The following SLC66A1 variants were observed in gnomAD, a reference collection of about 807,000 sequenced individuals.
SLC66A1 encodes lysosomal amino acid transporter 1 homolog.
A neutral mutation model predicts 33.0 loss-of-function variants in SLC66A1; 23 were observed. The observed-to-expected ratio is 0.70, with a 90% CI of 0.50 to 0.99. SLC66A1 has a LOEUF of 0.99. Among genes scored for constraint, SLC66A1 ranks in the 50% least tolerant of loss-of-function variants. The pLI is 0.00. For synonymous variants in SLC66A1, 164 were observed against 175.5 expected, an observed-to-expected ratio of 0.93 and a Z score of 0.52; for missense variants, 335 against 383.6, an observed-to-expected ratio of 0.87 and a Z score of 1.06.
rs1238227344 is a variant in SLC66A1 at position 19,324,683 on chromosome 1, T to C, written c.215T>C (p.Leu72Pro). 1.2e-6 allele frequency: 2 copies of C among 1,614,112 alleles called. No homozygotes were observed. Among genetic ancestry groups the C allele is most frequent in the Admixed American group, 3.3e-5 (2 of 60,018 alleles). The change falls in exon 3 of 8, where the codon CTG (leucine) becomes CCG (proline). Residue 72 changes from leucine to proline, a missense_variant. Physicochemically the swap from Leu to Pro is moderately conservative, Grantham distance 98. Coordinates refer to ENST00000375153, the MANE Select transcript of SLC66A1 (RefSeq NM_001040125.2). Reference sequence around the variant, plus strand: ...GGCAACATGGACCAGGCGCTGTCCCTGTGGTTCCTCCTGGGCTGGATTGGC... The same window carrying C: ...GGCAACATGGACCAGGCGCTGTCCCCGTGGTTCCTCCTGGGCTGGATTGGC... Reference protein sequence around the residue: ...KTGNMDQALSLWFLLGWIGGD... With the variant: ...KTGNMDQALSPWFLLGWIGGD...
rs543382388 is a variant in SLC66A1, at chr1:19,320,616, C to T, written c.164+2775C>T. On this transcript the variant is annotated intron_variant, in intron 2 of 7. Transcript: ENST00000375153. The stretch of plus-strand genomic sequence containing the variant: ...TTTTTTAGTAGAGACGGGGTTTCAC[C>T]GTGTTAGCCAGGATGGTCTCGATTT... 2.4e-3 allele frequency among the ~76,000 whole-genome samples: 364 copies of T among 151,728 alleles called. 2 individuals carry two copies. The highest frequency in any genetic ancestry group is 7.1e-3 in the African/African-American group (291 of 41,266).
chr1:19,331,985 C>G (rs61766664), downstream of SLC66A1, among the ~76,000 whole-genome samples: 2,802 of 152,322 alleles, frequency 0.018, 90 homozygotes, highest in Admixed American at 0.078. Flanking sequence ...GGCCCCTCCC[C>G]CTGGGGAGTG....
downstream of SLC66A1, among the ~76,000 whole-genome samples, chr1:19,333,251 A>G (rs905599693): frequency 1.3e-5 from 2 of 152,164 alleles, no homozygotes; most frequent in African/African-American, 4.8e-5. The surrounding 1 kb of genome is among the most constrained non-coding windows in gnomAD (Gnocchi z 4.2). Flanking sequence ...TCCGTCACCC[A>G]GGCTGGAGTG....
chr1:19,334,036 A>C (rs1266352005), downstream of SLC66A1, among the ~76,000 whole-genome samples: 1 of 152,240 alleles, frequency 6.6e-6, no homozygotes, highest in Non-Finnish European at 1.5e-5. Flanking sequence ...CTACTCCTCC[A>C]GGCCCCCAGC....
chr1:19,333,817 T>C (rs1420425209), downstream of SLC66A1, among the ~76,000 whole-genome samples: 1 of 152,018 alleles, frequency 6.6e-6, no homozygotes, highest in Non-Finnish European at 1.5e-5. The surrounding 1 kb of genome is among the most constrained non-coding windows in gnomAD (Gnocchi z 4.2). Context: ...GGTGGGAGGA[T>C]TGCTTGGGCC....
At position 19,328,853 on chromosome 1, in the gene SLC66A1, C is replaced by G. The variant is rs1264400273; in HGVS notation, c.*210C>G. On this transcript the variant is annotated 3_prime_UTR_variant, in exon 8 of 8. Transcript: ENST00000375153. This position sits in a 1 kb window ranked among gnomAD's most constrained non-coding sequence, Gnocchi z 4.7. ...CTGGAGCGGAGACCCCAGGGCCTCT[C>G]AGGAGACAGTGAGGCTGCCCCTCCT... The G allele has an allele frequency of 3.3e-6, 2 of 603,442 alleles. No individual in the cohort carries two copies. The highest frequency in any genetic ancestry group is 5.9e-6 in the Non-Finnish European group (2 of 341,850). The allele number at this position is 603,442 out of a possible 1,614,324, so 37.4% of individuals were successfully genotyped here. A position where few individuals can be genotyped will look rare whatever the true frequency, so the allele number is the denominator to read the frequency against.
In SLC66A1 at chr1:19,312,372, G is replaced by T. The variant is rs930411235; in HGVS notation, c.-596G>T. On this transcript the variant is annotated 5_prime_UTR_variant, in exon 1 of 8. Coordinates refer to ENST00000375153, the MANE Select transcript of SLC66A1 (RefSeq NM_001040125.2). ...GATCTGGACGTGGTGAGCCGGACCG[G>T]GGGCAGGTGGCAAACTTCACGGCTG... The T allele has an allele frequency of 3.3e-5, 8 of 243,766 alleles. No individual in the cohort carries two copies. The East Asian group carries it at 7.4e-4, about 23-fold the overall frequency. The allele number at this position is 243,766 out of a possible 1,614,324, so 15.1% of individuals were successfully genotyped here.
rs753114625 is a variant in SLC66A1, at chr1:19,317,637, C to T, written c.-41C>T. 30 of 1,605,772 alleles carry T rather than the reference C, an allele frequency of 1.9e-5. No individual in the cohort carries two copies. The highest frequency in any genetic ancestry group is 6.7e-5 in the African/African-American group (5 of 74,768). ...CCTCAGAACACCAGCGCCCTCCCTC[C>T]GGTGCAGCCCTGCCTGGCCGGGGGC... On this transcript the variant is annotated 5_prime_UTR_variant, in exon 2 of 8. Coordinates refer to ENST00000375153, the MANE Select transcript of SLC66A1 (RefSeq NM_001040125.2).
At position 19,328,856 on chromosome 1, in the gene SLC66A1, G is replaced by A. The variant is rs368988699; in HGVS notation, c.*213G>A. 22 of 600,354 alleles carry A rather than the reference G, an allele frequency of 3.7e-5. 2 individuals are homozygous for A. Among genetic ancestry groups the A allele is most frequent in the South Asian group, 8.0e-5 (4 of 50,250 alleles). The allele number at this position is 600,354 out of a possible 1,614,324, so 37.2% of individuals were successfully genotyped here. ...GAGCGGAGACCCCAGGGCCTCTCAGGAGACAGTGAGGCTGCCCCTCCTACC... is the reference window on the plus strand; with the variant it reads ...GAGCGGAGACCCCAGGGCCTCTCAGAAGACAGTGAGGCTGCCCCTCCTACC... On this transcript the variant is annotated 3_prime_UTR_variant, in exon 8 of 8. Coordinates refer to ENST00000375153, the MANE Select transcript of SLC66A1 (RefSeq NM_001040125.2). The surrounding 1 kb of genome is among the most constrained non-coding windows in gnomAD (Gnocchi z 4.7).
chr1:19,333,899 C>CA (rs890825824), downstream of SLC66A1, among the ~76,000 whole-genome samples: 4 of 98,336 alleles, frequency 4.1e-5, no homozygotes, highest in South Asian at 3.1e-4. This position sits in a 1 kb window ranked among gnomAD's most constrained non-coding sequence, Gnocchi z 4.2. Flanking sequence ...GACCTTGTCT[C>CA]AAACAAAACA....
At chr1:19,326,702 T>C in intron 6 of SLC66A1, 79 bp downstream of exon 6, 5 of 1,407,794 alleles carry the variant, frequency 3.6e-6, no homozygotes, top group Non-Finnish European at 5.0e-6. Context: ...GGCTAAGGAG[T>C]AGCACAGCAT....
chr1:19,327,645 C>T (rs750835082), intron 7 of SLC66A1: 6 of 706,974 alleles, frequency 8.5e-6, no homozygotes, highest in African/African-American at 5.3e-5. Context: ...GCCATGAGTG[C>T]CCCAGAAGCT....
chr1:19,314,801 G>A (rs1232982719), intron 1 of SLC66A1, among the ~76,000 whole-genome samples: 1 of 152,206 alleles, frequency 6.6e-6, no homozygotes, highest in East Asian at 1.9e-4. Context: ...GTGTGGGGGT[G>A]CACCCCAGTT....
At chr1:19,318,341 T>C (rs2093816649) in intron 2 of SLC66A1, among the ~76,000 whole-genome samples, 1 of 152,164 alleles carries the variant, frequency 6.6e-6, no homozygotes. Context: ...CACAACATTG[T>C]GTGGCCGCTG....
chr1:19,323,692 C>T (rs2093848948), intron 2 of SLC66A1, among the ~76,000 whole-genome samples: 1 of 142,010 alleles, frequency 7.0e-6, no homozygotes, highest in Non-Finnish European at 1.6e-5. Context: ...CAGGTGTGAG[C>T]CAACCGTGTC....
At chr1:19,313,215 A>C (rs924161526) in intron 1 of SLC66A1, 1 of 985,304 alleles carries the variant, frequency 1.0e-6, no homozygotes, top group Non-Finnish European at 1.2e-6. Context: ...GGCATCGGGC[A>C]GGTCTGTTCC....
At chr1:19,313,293 C>T (rs1569717057) in intron 1 of SLC66A1, 1 of 965,062 alleles carries the variant, frequency 1.0e-6, no homozygotes, top group East Asian at 1.2e-4. Context: ...TTCTCCTTTC[C>T]TTCCTCTTCT....
At chr1:19,331,585 T>A (rs566912615), downstream of SLC66A1, among the ~76,000 whole-genome samples, 351 of 152,318 alleles carry the variant, frequency 2.3e-3, 1 homozygote, top group Non-Finnish European at 3.8e-3. Context: ...GCTGAGCCTC[T>A]GGCCCTGCCG....
chr1:19,327,218 C>T lies in SLC66A1; in HGVS notation c.619-9C>T, dbSNP rs775097692. ...TCGAGGTCTCTGACCTGACCTCCTCCTGCCCCAGTTCCTCCGGAAGTCCAC... is the reference window on the plus strand; with the variant it reads ...TCGAGGTCTCTGACCTGACCTCCTCTTGCCCCAGTTCCTCCGGAAGTCCAC... On this transcript the variant is annotated splice_polypyrimidine_tract_variant and intron_variant, in intron 6 of 7. Transcript: ENST00000375153. The T allele has an allele frequency of 2.5e-6, 4 of 1,611,606 alleles. No individual in the cohort carries two copies. The Admixed American group carries it at 5.0e-5, about 20-fold the overall frequency.
Sources: gnomAD v4.1 joint callset for allele counts (sites outside exome capture counted in the v4.1 genomes callset) on GRCh38, gnomAD v4.1.1 for gene constraint, Gnocchi (gnomAD v3.1) non-coding constraint, MANE v1.5 for transcripts, NCBI Gene and HGNC (gene_info 2026-07-23, HGNC 2026-07-21) for gene names.